The following FRS2 variants were observed in gnomAD, a reference collection of about 807,000 sequenced individuals.
FRS2 encodes the protein FGFR signalling adaptor.
In FRS2, 8 loss-of-function variants were observed where a neutral mutation model predicts 43.9. The ratio of observed to expected loss-of-function variants is 0.18; its 90% CI spans 0.11 to 0.33. The LOEUF (loss-of-function observed/expected upper bound fraction) is 0.33, where lower values mean the gene tolerates loss of function less well. Ranked by LOEUF, FRS2 falls within the 10% of genes least tolerant of loss-of-function variation. The pLI, the probability that FRS2 is intolerant of heterozygous loss-of-function variation, is 1.00. For missense variants in FRS2, 534 were observed against 627.6 expected, an observed-to-expected ratio of 0.85 and a Z score of 1.59; for synonymous variants, 219 against 220.3, an observed-to-expected ratio of 0.99 and a Z score of 0.05.
Position 69,569,006 on chromosome 12 carries a change from G to A in FRS2, c.-25G>A, listed in dbSNP as rs536498953. On this transcript the variant is annotated splice_region_variant and 5_prime_UTR_variant, in exon 5 of 9. Coordinates refer to ENST00000549921, the MANE Select transcript of FRS2 (RefSeq NM_001278356.2). The stretch of plus-strand genomic sequence containing the variant: ...TTTTCCAAATTATTTTTCATGTAGT[G>A]CACACATGGTCTTCTGAAGAAGCCA... 1 of 1,534,176 alleles carries A rather than the reference G, an allele frequency of 6.5e-7. No individual in the cohort carries two copies. Among genetic ancestry groups the A allele is most frequent in the Non-Finnish European group, 9.0e-7 (1 of 1,115,512 alleles).
chr12:69,573,123 G>A (rs1593076891), intron 8 of FRS2, among the ~76,000 whole-genome samples: 1 of 152,244 alleles, frequency 6.6e-6, no homozygotes, highest in South Asian at 2.1e-4. Context: ...GTGAGCCACT[G>A]TGCCCGACCC....
At chr12:69,481,479 C>G (rs1046294734) in intron 1 of FRS2, among the ~76,000 whole-genome samples, 1 of 151,778 alleles carries the variant, frequency 6.6e-6, no homozygotes, top group Non-Finnish European at 1.5e-5. Context: ...TGGTGTCTCA[C>G]TATGTTGACC....
chr12:69,563,378 T>TA (rs1251146519), intron 4 of FRS2, among the ~76,000 whole-genome samples: 2 of 152,254 alleles, frequency 1.3e-5, no homozygotes, highest in Non-Finnish European at 2.9e-5. Context: ...TCACTCATGC[T>TA]AAGCCTGTTC....
chr12:69,552,651 A>G (rs867361142), intron 3 of FRS2, among the ~76,000 whole-genome samples: 55 of 152,116 alleles, frequency 3.6e-4, no homozygotes, highest in African/African-American at 1.3e-3. Context: ...AGAGTAAACT[A>G]TGGGAGGCTG....
intron 1 of FRS2, among the ~76,000 whole-genome samples, chr12:69,489,574 G>A (rs1349848292): frequency 6.6e-6 from 1 of 151,730 alleles, no homozygotes; most frequent in Non-Finnish European, 1.5e-5. Flanking sequence ...GGAGGCTGAG[G>A]CAGGAGAATC....
chr12:69,473,044 A>T (rs923303579), intron 1 of FRS2, among the ~76,000 whole-genome samples: 1 of 152,276 alleles, frequency 6.6e-6, no homozygotes, highest in African/African-American at 2.4e-5. Flanking sequence ...TAAATTATAC[A>T]AAAGAAGAAA....
At chr12:69,495,890 C>G (rs143478379) in intron 1 of FRS2, among the ~76,000 whole-genome samples, 1 of 151,746 alleles carries the variant, frequency 6.6e-6, no homozygotes, top group African/African-American at 2.4e-5. Context: ...CTGATAGTGC[C>G]GTTGCACTCC....
In FRS2 at chr12:69,508,194, A is replaced by T. The variant is rs958531271; in HGVS notation, c.-260-22671A>T. Among the ~76,000 whole-genome samples, 14 of 152,170 alleles carry T rather than the reference A, an allele frequency of 9.2e-5. 1 individual carries two copies. The highest frequency in any genetic ancestry group is 7.2e-4 in the Admixed American group (11 of 15,276). The stretch of plus-strand genomic sequence containing the variant: ...TGTATCATTTGACATTCAGACTTAA[A>T]TCAACTCTACTATTGCTGGTGTTTA... On this transcript the variant is annotated intron_variant, in intron 1 of 8. Coordinates refer to ENST00000549921, the MANE Select transcript of FRS2 (RefSeq NM_001278356.2).
intron 2 of FRS2, among the ~76,000 whole-genome samples, chr12:69,531,546 C>G (rs1033457624): frequency 4.6e-5 from 7 of 151,460 alleles, no homozygotes; most frequent in Non-Finnish European, 1.0e-4. Flanking sequence ...TATGGGGTGT[C>G]TTATTGGAGT....
intron 4 of FRS2, among the ~76,000 whole-genome samples, chr12:69,568,781 G>T (rs1880507681): frequency 6.6e-6 from 1 of 151,944 alleles, no homozygotes; most frequent in African/African-American, 2.4e-5. Context: ...CTAGAAATTT[G>T]AGATTTGTTT....
At chr12:69,488,800 A>C (rs998466778) in intron 1 of FRS2, among the ~76,000 whole-genome samples, 1 of 152,098 alleles carries the variant, frequency 6.6e-6, no homozygotes, top group African/African-American at 2.4e-5. Flanking sequence ...TATAATTAAC[A>C]ATAACAAGTG....
At chr12:69,536,098 A>ATTT (rs1555189293) in intron 3 of FRS2, among the ~76,000 whole-genome samples, 1 of 41,660 alleles carries the variant, frequency 2.4e-5, no homozygotes, top group Non-Finnish European at 4.8e-5. Context: ...TAGTATTTTC[A>ATTT]TTCTTTTTTT....
intron 1 of FRS2, among the ~76,000 whole-genome samples, chr12:69,504,624 AT>A (rs1391949621): frequency 2.6e-5 from 4 of 152,106 alleles, no homozygotes; most frequent in African/African-American, 4.8e-5. Flanking sequence ...TAAAAAATAT[AT>A]TTTTTCTCAT....
At chr12:69,502,485 C>G (rs1253991353) in intron 1 of FRS2, among the ~76,000 whole-genome samples, 1 of 151,934 alleles carries the variant, frequency 6.6e-6, no homozygotes, top group Non-Finnish European at 1.5e-5. Context: ...CTTCCCACCT[C>G]AGCCTCCCAA....
chr12:69,570,633 T>C (rs1036032954), intron 6 of FRS2, 116 bp downstream of exon 6: 1 of 652,268 alleles, frequency 1.5e-6, no homozygotes, highest in East Asian at 2.7e-5. Context: ...AATAAACAGA[T>C]TGTTAAGGAA....
chr12:69,475,024 C>T (rs1870642946), intron 1 of FRS2, among the ~76,000 whole-genome samples: 2 of 137,236 alleles, frequency 1.5e-5, no homozygotes, highest in Admixed American at 7.1e-5. Flanking sequence ...ATACTTTTAT[C>T]CATTATATGA....
At chr12:69,537,845 T>TA (rs1877460390) in intron 3 of FRS2, 1 of 152,658 alleles carries the variant, frequency 6.6e-6, no homozygotes, top group African/African-American at 2.4e-5. Context: ...TCATGTTACT[T>TA]ATGCCTTTTC....
intron 3 of FRS2, among the ~76,000 whole-genome samples, chr12:69,547,561 C>G (rs1212821538): frequency 1.3e-5 from 2 of 152,142 alleles, no homozygotes; most frequent in Non-Finnish European, 2.9e-5. Context: ...GCAATTAAAT[C>G]TTATTCATAG....
chr12:69,538,500 A>G (rs1462611001), intron 3 of FRS2, among the ~76,000 whole-genome samples: 1 of 152,050 alleles, frequency 6.6e-6, no homozygotes, highest in East Asian at 1.9e-4. Flanking sequence ...ATGCCTTTTT[A>G]TATGTTTAAG....
Sources: allele counts gnomAD v4.1 joint callset (sites outside exome capture counted in the v4.1 genomes callset), GRCh38; gene constraint gnomAD v4.1.1; transcripts MANE v1.5; gene names NCBI Gene and HGNC (gene_info 2026-07-23, HGNC 2026-07-21).